Variants in EHBP1 observed in about 807,000 individuals in gnomAD.
EHBP1 encodes EH domain binding protein 1, also known as EH domain-binding protein 1.
EHBP1 carries 55 observed loss-of-function variants against 144.0 expected under a neutral mutation model. The ratio of observed to expected loss-of-function variants is 0.38; its 90% confidence interval spans 0.31 to 0.48. EHBP1 has a LOEUF of 0.48. EHBP1 is among the 20% of genes least tolerant of loss of function. The pLI is 0.98. For synonymous variants in EHBP1, 469 were observed against 472.7 expected (o/e 0.99, Z 0.10); for missense variants, 1,200 against 1,364.2 (o/e 0.88, Z 1.90).
At chr2:62,754,252 G>A (rs2040047125) in intron 3 of EHBP1, among the ~76,000 whole-genome samples, 1 of 152,158 alleles carries the variant, frequency 6.6e-6, no homozygotes, top group Admixed American at 6.5e-5. Flanking sequence ...GTTTGCTGGA[G>A]GTCCACTCCA....
intron 14 of EHBP1, among the ~76,000 whole-genome samples, chr2:62,976,158 C>T (rs999166134): frequency 6.6e-6 from 1 of 152,100 alleles, no homozygotes; most frequent in South Asian, 2.1e-4. Flanking sequence ...CTCACTGATT[C>T]AATTCATTGC....
chr2:63,038,671 A>C, intron 20 of EHBP1, 72 bp from the exon 21 acceptor site: 1 of 1,394,232 alleles, frequency 7.2e-7, no homozygotes, highest in Non-Finnish European at 1.0e-6. Flanking sequence ...AAATCAATGT[A>C]ACCTAAAGGT....
chr2:62,703,621 G>T (rs561728401), upstream of EHBP1, among the ~76,000 whole-genome samples: 28 of 152,204 alleles, frequency 1.8e-4, no homozygotes, highest in South Asian at 5.0e-3. Context: ...AGCTACCTTG[G>T]TGTCTAGAAG....
chr2:62,869,673 CTGGAAATGTT>C (rs991473190), intron 9 of EHBP1, among the ~76,000 whole-genome samples: 4 of 152,110 alleles, frequency 2.6e-5, no homozygotes, highest in Non-Finnish European at 4.4e-5. Context: ...TTTGGAGGGA[CTGGAAATGTT>C]TGGAAATGTT....
At chr2:62,743,766 A>G (rs1210264138) in intron 2 of EHBP1, among the ~76,000 whole-genome samples, 1 of 152,128 alleles carries the variant, frequency 6.6e-6, no homozygotes, top group Admixed American at 6.6e-5. Context: ...AGAGGAGGGC[A>G]TGCCTTAGTT....
chr2:63,037,498 C>T (rs2061487475), intron 19 of EHBP1, 37 bp from the exon 20 acceptor site: 1 of 1,428,804 alleles, frequency 7.0e-7, no homozygotes, highest in Non-Finnish European at 9.7e-7. Context: ...CTTGTTTTAA[C>T]ATCGTATAGT....
intron 10 of EHBP1, among the ~76,000 whole-genome samples, chr2:62,893,270 TATATC>T (rs1173282065): frequency 6.6e-6 from 1 of 152,214 alleles, no homozygotes; most frequent in African/African-American, 2.4e-5. Flanking sequence ...CTTTCTATCA[TATATC>T]ATTAGTAACC....
At chr2:62,843,281 C>T (rs568581117) in intron 7 of EHBP1, among the ~76,000 whole-genome samples, 5 of 152,238 alleles carry the variant, frequency 3.3e-5, no homozygotes, top group African/African-American at 7.2e-5. Flanking sequence ...GCTTCATTCT[C>T]TCTGGCTTAT....
chr2:62,972,288 C>G (rs1202051923), intron 14 of EHBP1, among the ~76,000 whole-genome samples: 1 of 152,082 alleles, frequency 6.6e-6, no homozygotes, highest in Non-Finnish European at 1.5e-5. Context: ...GTGCTGAACG[C>G]TATACAGAAA....
intron 10 of EHBP1, among the ~76,000 whole-genome samples, chr2:62,877,370 C>T (rs1228590238): frequency 6.6e-6 from 1 of 152,124 alleles, no homozygotes; most frequent in Non-Finnish European, 1.5e-5. Flanking sequence ...TTCTTAGGGA[C>T]CTACAAAGAG....
At chr2:62,810,103 A>G (rs1418927511) in intron 5 of EHBP1, among the ~76,000 whole-genome samples, 1 of 152,248 alleles carries the variant, frequency 6.6e-6, no homozygotes, top group Non-Finnish European at 1.5e-5. Context: ...CGTGTGAACT[A>G]TTTTTAAAAG....
chr2:62,860,045 T>C (rs1033596199), intron 8 of EHBP1, among the ~76,000 whole-genome samples: 2 of 152,212 alleles, frequency 1.3e-5, no homozygotes, highest in Non-Finnish European at 2.9e-5. Flanking sequence ...CACTCTGTTA[T>C]AGCAATATAA....
At chr2:62,846,788 C>T (rs991779280) in intron 7 of EHBP1, among the ~76,000 whole-genome samples, 3 of 151,754 alleles carry the variant, frequency 2.0e-5, no homozygotes, top group Non-Finnish European at 4.4e-5. Context: ...TGTGAAAAAC[C>T]TCTGACTAAA....
intron 10 of EHBP1, among the ~76,000 whole-genome samples, chr2:62,910,504 T>C (rs1012109641): frequency 8.5e-5 from 13 of 152,170 alleles, no homozygotes; most frequent in African/African-American, 3.1e-4. Flanking sequence ...CTGGCAGGTG[T>C]TGTAAACTCT....
chr2:62,680,710 T>A (rs899526933), intron 1 of EHBP1, among the ~76,000 whole-genome samples: 3 of 152,132 alleles, frequency 2.0e-5, no homozygotes, highest in African/African-American at 7.2e-5. Context: ...ACTCAAGCAG[T>A]AGTGCTGTCT....
intron 10 of EHBP1, among the ~76,000 whole-genome samples, chr2:62,935,328 CAA>C (rs550896639): frequency 0.024 from 2,601 of 106,342 alleles, 37 homozygotes; most frequent in African/African-American, 0.046. Context: ...GACTCCATCT[CAA>C]AAAAAAAAAA....
intron 2 of EHBP1, among the ~76,000 whole-genome samples, chr2:62,727,451 G>C (rs2036936329): frequency 6.6e-6 from 1 of 151,994 alleles, no homozygotes; most frequent in Non-Finnish European, 1.5e-5. Context: ...TCCCGTACCT[G>C]TTAGCAGTCA....
At chr2:62,973,975 C>T (rs958290567) in intron 14 of EHBP1, among the ~76,000 whole-genome samples, 2 of 152,106 alleles carry the variant, frequency 1.3e-5, no homozygotes, top group Non-Finnish European at 2.9e-5. Flanking sequence ...CACCATTGCA[C>T]TCCAGCCCAG....
chr2:62,793,087 T>C (rs1334470841), intron 5 of EHBP1, among the ~76,000 whole-genome samples: 1 of 152,056 alleles, frequency 6.6e-6, no homozygotes, highest in Non-Finnish European at 1.5e-5. Flanking sequence ...CATATACATG[T>C]TGTATAATTT....
Sources: allele counts gnomAD v4.1 joint callset (sites outside exome capture counted in the v4.1 genomes callset), GRCh38; gene constraint gnomAD v4.1.1; transcripts MANE v1.5; gene names NCBI Gene and HGNC (gene_info 2026-07-23, HGNC 2026-07-21).